Variants in MARK1 observed in about 807,000 individuals in gnomAD.
MARK1 encodes the protein microtubule affinity regulating kinase 1, also known as serine/threonine-protein kinase MARK1.
MARK1 carries 40 observed loss-of-function variants against 96.3 expected under a neutral mutation model. The observed-to-expected ratio is 0.42, with a 90% confidence interval of 0.32 to 0.54. MARK1 has a LOEUF of 0.54. Among genes scored for constraint, MARK1 ranks in the 20% least tolerant of loss-of-function variants. The probability of loss-of-function intolerance (pLI) is 0.16; values close to 1 mark genes in which losing one functional copy is unlikely to be tolerated. For missense variants in MARK1, 719 were observed against 984.6 expected, an observed-to-expected ratio of 0.73 and a Z score of 3.61; for synonymous variants, 317 against 341.2, an observed-to-expected ratio of 0.93 and a Z score of 0.78.
At chr1:220,587,989 G>A (rs1160100083) in intron 3 of MARK1, among the ~76,000 whole-genome samples, 5 of 152,028 alleles carry the variant, frequency 3.3e-5, no homozygotes, top group African/African-American at 4.8e-5. Context: ...TAGTTGTACC[G>A]ATTTTTACTT....
At chr1:220,534,521 A>G (rs939440453) in intron 1 of MARK1, among the ~76,000 whole-genome samples, 1 of 152,070 alleles carries the variant, frequency 6.6e-6, no homozygotes, top group African/African-American at 2.4e-5. Context: ...ACTCCCACAT[A>G]TGAGTGAGAA....
At chr1:220,602,223 CAAAG>C (rs1665793071) in intron 5 of MARK1, among the ~76,000 whole-genome samples, 1 of 152,076 alleles carries the variant, frequency 6.6e-6, no homozygotes, top group Admixed American at 6.5e-5. Context: ...ATTAGAAAAT[CAAAG>C]AAATCTTTTT....
Position 220,631,151 on chromosome 1 carries a change from G to C in MARK1, c.1009+17G>C, listed in dbSNP as rs773620474. ...AAAGAATAGGTAAGTATTTAAACATGGTAAGAAGTGCTGTCCCTAGGCAAC... is the reference window on the plus strand; with the variant it reads ...AAAGAATAGGTAAGTATTTAAACATCGTAAGAAGTGCTGTCCCTAGGCAAC... On this transcript the variant is annotated intron_variant, in intron 10 of 17. Transcript: ENST00000366917. 5 of 1,553,394 alleles carry C rather than the reference G, an allele frequency of 3.2e-6. No individual in the cohort carries two copies. Among genetic ancestry groups the C allele is most frequent in the Non-Finnish European group, 4.4e-6 (5 of 1,125,890 alleles).
chr1:220,549,718 T>G (rs1327546416), intron 1 of MARK1, among the ~76,000 whole-genome samples: 1 of 152,160 alleles, frequency 6.6e-6, no homozygotes, highest in Non-Finnish European at 1.5e-5. Context: ...TTTGTGGTGT[T>G]ACATAATGTT....
chr1:220,587,253 C>T (rs528436408), intron 3 of MARK1, among the ~76,000 whole-genome samples: 1 of 151,782 alleles, frequency 6.6e-6, no homozygotes, highest in Non-Finnish European at 1.5e-5. Context: ...TATATAGTCT[C>T]TCCTTTCCTT....
At chr1:220,646,394 C>G (rs1000286695) in intron 13 of MARK1, among the ~76,000 whole-genome samples, 1 of 152,026 alleles carries the variant, frequency 6.6e-6, no homozygotes, top group South Asian at 2.1e-4. Flanking sequence ...AACCACTGCT[C>G]AAGAAAATCA....
intron 13 of MARK1, among the ~76,000 whole-genome samples, chr1:220,644,787 A>G (rs1385325608): frequency 6.6e-6 from 1 of 152,168 alleles, no homozygotes; most frequent in East Asian, 1.9e-4. Context: ...TCAAAACCAC[A>G]TAATTACATG....
chr1:220,644,461 C>CGA lies in MARK1; in HGVS notation c.1471-6159_1471-6158insGA, dbSNP rs1553337133. On this transcript the variant is annotated intron_variant, in intron 13 of 17. Coordinates refer to ENST00000366917, the MANE Select transcript of MARK1 (RefSeq NM_018650.5). ...CAAAGAGACTTAGACCCCCCCCCCC[C>CGA]CACACACACACAATAATAGTGGAAG... 3.7e-5 allele frequency among the ~76,000 whole-genome samples: 5 copies of CGA among 135,866 alleles called. 1 individual carries two copies. The highest frequency in any genetic ancestry group is 1.5e-4 in the Admixed American group (2 of 13,110). The allele number at this position is 135,866 out of a possible 152,430, so 89.1% of individuals were successfully genotyped here.
chr1:220,654,901 G>GA lies in MARK1; in HGVS notation c.1988+1552dup, dbSNP rs1486149098. On this transcript the variant is annotated intron_variant, in intron 16 of 17. Coordinates refer to ENST00000366917, the MANE Select transcript of MARK1 (RefSeq NM_018650.5). The surrounding 1 kb of genome is among the most constrained non-coding windows in gnomAD (Gnocchi z 4.0). ...GTCGTGAGATAGAATGCCAAAGCAA[G>GA]AAAGTGCCTTAGAGCTGGTCTGTTG... Among the ~76,000 whole-genome samples the GA allele has an allele frequency of 6.6e-6, 1 of 152,256 alleles. No individual in the cohort carries two copies. The highest frequency in any genetic ancestry group is 6.5e-5 in the Admixed American group (1 of 15,286).
At chr1:220,653,631 G>T (rs535735618) in intron 16 of MARK1, among the ~76,000 whole-genome samples, 4 of 152,192 alleles carry the variant, frequency 2.6e-5, no homozygotes, top group Middle Eastern at 6.8e-3. Context: ...TTTAACAAAA[G>T]ATTATTTTAT....
At chr1:220,580,310 C>A (rs765634384) in intron 2 of MARK1, among the ~76,000 whole-genome samples, 21 of 151,902 alleles carry the variant, frequency 1.4e-4, no homozygotes, top group Non-Finnish European at 2.1e-4. Flanking sequence ...ATGGCAAAAC[C>A]CCAGCTCTAC....
chr1:220,528,925 A>G (rs780522125), intron 1 of MARK1, 52 bp downstream of exon 1: 276 of 1,497,634 alleles, frequency 1.8e-4, no homozygotes, highest in Middle Eastern at 1.0e-3. Flanking sequence ...CCCTCCTCTG[A>G]TCCCCACTTC....
chr1:220,553,511 A>C (rs1343948000), intron 1 of MARK1, among the ~76,000 whole-genome samples: 1 of 152,236 alleles, frequency 6.6e-6, no homozygotes, highest in Non-Finnish European at 1.5e-5. Flanking sequence ...GGTCAGGAGC[A>C]TCTCATGCAA....
chr1:220,612,926 A>C (rs978749418), intron 6 of MARK1, among the ~76,000 whole-genome samples: 5 of 152,174 alleles, frequency 3.3e-5, no homozygotes, highest in African/African-American at 9.7e-5. Flanking sequence ...CTACAGAAAA[A>C]AAAAAGTCGT....
chr1:220,622,479 A>G (rs1006218380), intron 9 of MARK1, among the ~76,000 whole-genome samples: 2 of 152,254 alleles, frequency 1.3e-5, no homozygotes, highest in Non-Finnish European at 2.9e-5. Flanking sequence ...AAATCAATTA[A>G]TTCATAATTT....
At chr1:220,590,253 C>A (rs960509915) in intron 3 of MARK1, among the ~76,000 whole-genome samples, 1 of 152,130 alleles carries the variant, frequency 6.6e-6, no homozygotes, top group East Asian at 1.9e-4. Context: ...TTCAATTGGC[C>A]AAAATTCTCT....
At chr1:220,579,089 G>A (rs1664056973) in intron 1 of MARK1, among the ~76,000 whole-genome samples, 1 of 152,038 alleles carries the variant, frequency 6.6e-6, no homozygotes, top group South Asian at 2.1e-4. Flanking sequence ...TGAACCGCCT[G>A]CCTTGGCCTC....
chr1:220,530,834 A>G lies in MARK1; in HGVS notation c.51+1961A>G, dbSNP rs540992535. Among the ~76,000 whole-genome samples the G allele has an allele frequency of 1.2e-4, 19 of 152,308 alleles. 1 individual carries two copies. The South Asian group carries it at 2.7e-3, about 22-fold the overall frequency. On this transcript the variant is annotated intron_variant, in intron 1 of 17. Coordinates refer to ENST00000366917, the MANE Select transcript of MARK1 (RefSeq NM_018650.5). ...GTGCCTTATTGTGTTGTACATAATG[A>G]TATCTCCATTTAGCTTACTTTACCC...
chr1:220,574,737 T>C (rs1048135757), intron 1 of MARK1, among the ~76,000 whole-genome samples: 4 of 152,216 alleles, frequency 2.6e-5, no homozygotes, highest in African/African-American at 9.6e-5. Flanking sequence ...AGTTACAAAC[T>C]ATTCTTTGTT....
Sources: allele counts gnomAD v4.1 joint callset (sites outside exome capture counted in the v4.1 genomes callset), GRCh38; gene constraint gnomAD v4.1.1; non-coding constraint Gnocchi (gnomAD v3.1); transcripts MANE v1.5; gene names NCBI Gene and HGNC (gene_info 2026-07-23, HGNC 2026-07-21).